Variants in NCBP2L observed in about 807,000 individuals in gnomAD.
The protein encoded by NCBP2L is nuclear cap-binding protein subunit 2-like.
For synonymous variants in NCBP2L, 39 were observed against 19.2 expected (o/e 2.04, Z -2.70); for missense variants, 95 against 53.1 (o/e 1.79, Z -2.45).
intron 1 of NCBP2L, among the ~76,000 whole-genome samples, chrX:107,782,298 T>A (rs866616263): frequency 3.2e-5 from 1 of 31,209 alleles, no homozygotes; most frequent in Non-Finnish European, 4.3e-5. Context: ...TATATATATA[T>A]AAATATATAT....
chrX:107,785,260 C>A (rs1930382672), intron 1 of NCBP2L, among the ~76,000 whole-genome samples: 1 of 111,368 alleles, frequency 9.0e-6, no homozygotes, highest in Non-Finnish European at 1.9e-5. Flanking sequence ...CTTTCCCCAA[C>A]TTTGTTGGGC....
rs1930508907 is a variant in NCBP2L, at chrX:107,795,506, T to C, written c.*824T>C. 1 of 112,183 alleles carries C rather than the reference T, an allele frequency of 8.9e-6. No homozygotes were observed. The highest frequency in any genetic ancestry group is 1.9e-5 in the Non-Finnish European group (1 of 53,272). 9.2% of individuals were successfully genotyped at this position (112,183 alleles called of 1,213,427 possible). ...GTAGAAACCATGCTTCAGGTACCCA[T>C]ACAACTATTTCGTTTTTGACTTTCA... On this transcript the variant is annotated 3_prime_UTR_variant, in exon 2 of 2. Transcript: ENST00000509000.
intron 1 of NCBP2L, among the ~76,000 whole-genome samples, chrX:107,782,352 AATATATATATATATAAAT>A (rs1391615386): frequency 2.7e-5 from 1 of 37,363 alleles, no homozygotes; most frequent in Non-Finnish European, 3.6e-5. Context: ...TATATATATA[AATATATATATATATAAAT>A]ATATATATAT....
intron 1 of NCBP2L, among the ~76,000 whole-genome samples, chrX:107,788,527 A>G (rs1173458744): frequency 2.7e-5 from 3 of 112,280 alleles, no homozygotes; most frequent in Non-Finnish European, 3.8e-5. Context: ...TTGACCCTTC[A>G]TTCATTCAAT....
intron 1 of NCBP2L, among the ~76,000 whole-genome samples, chrX:107,782,180 TAA>T (rs1184805569): frequency 1.0e-4 from 3 of 29,656 alleles, no homozygotes; most frequent in African/African-American, 3.8e-4. Flanking sequence ...TATATATATA[TAA>T]ATATATATAT....
At chrX:107,782,218 TATAAATATATATATATAA>T (rs1930309678) in intron 1 of NCBP2L, among the ~76,000 whole-genome samples, 1 of 25,336 alleles carries the variant, frequency 3.9e-5, no homozygotes, top group Non-Finnish European at 5.9e-5. Context: ...TAAATATATA[TATAAATATATATATATAA>T]ATATATATAT....
At chrX:107,789,174 CTTTTTTTTTT>C (rs760912732) in intron 1 of NCBP2L, among the ~76,000 whole-genome samples, 1,037 of 67,041 alleles carry the variant, frequency 0.015, 20 homozygotes, top group African/African-American at 0.061. Flanking sequence ...GTCCTAACCT[CTTTTTTTTTT>C]TTTTTTTTTT....
At chrX:107,780,391 A>G (rs781063000) in intron 1 of NCBP2L, among the ~76,000 whole-genome samples, 1 of 110,871 alleles carries the variant, frequency 9.0e-6, no homozygotes, top group South Asian at 3.9e-4. Flanking sequence ...TCTTTACTAT[A>G]TGCCAAGCAC....
In NCBP2L at chrX:107,794,497, GA is replaced by G; in HGVS notation, c.281del (p.Asn94MetfsTer6). 1 of 570,384 alleles carries G rather than the reference GA, an allele frequency of 1.8e-6. No homozygotes were observed. Among genetic ancestry groups the G allele is most frequent in the Non-Finnish European group, 3.2e-6 (1 of 309,544 alleles). 47.0% of individuals were successfully genotyped at this position (570,384 alleles called of 1,213,427 possible). On this transcript the variant is annotated frameshift_variant, in exon 2 of 2. Coordinates refer to ENST00000509000, the MANE Select transcript of NCBP2L (RefSeq NM_001348372.2). LOFTEE classifies it low-confidence loss of function (END_TRUNC). ...AGAATGCCATAACAGAGCTGATGCT[GA>G]AAATGCCATGCGGTTTCTAACTGGG... Reference protein sequence around the residue: ...FVECHNRADAENAMRFLTGTC... With the variant: ...FVECHNRADAXNAMRFLTGTC...
In NCBP2L at chrX:107,777,870, A is replaced by G. The variant is rs920645142; in HGVS notation, c.-73+12A>G. ...GACAGGATCCCAAGGTCAGAGGTGA[A>G]AGAGGTGCTGGGGGTCACTGACCAT... On this transcript the variant is annotated intron_variant, in intron 1 of 1. Coordinates refer to ENST00000509000, the MANE Select transcript of NCBP2L (RefSeq NM_001348372.2). 1.8e-5 allele frequency: 2 copies of G among 111,684 alleles called. No homozygotes were observed. Among genetic ancestry groups the G allele is most frequent in the African/African-American group, 6.5e-5 (2 of 30,663 alleles). 9.2% of individuals were successfully genotyped at this position (111,684 alleles called of 1,213,427 possible).
In NCBP2L at chrX:107,794,511, G is replaced by C; in HGVS notation, c.291G>C (p.Arg97=). 1 of 568,533 alleles carries C rather than the reference G, an allele frequency of 1.8e-6. No individual in the cohort carries two copies. Among genetic ancestry groups the C allele is most frequent in the Non-Finnish European group, 3.2e-6 (1 of 309,267 alleles). The allele number at this position is 568,533 out of a possible 1,213,427, so 46.9% of individuals were successfully genotyped here. A position where few individuals can be genotyped will look rare whatever the true frequency, so the allele number is the denominator to read the frequency against. Residue 97 remains arginine (R), a synonymous_variant, in exon 2 of 2, where the codon CGG becomes CGC. Coordinates refer to ENST00000509000, the MANE Select transcript of NCBP2L (RefSeq NM_001348372.2). ...HNRADAENAM[R]FLTGTCLDEW... ...GAGCTGATGCTGAAAATGCCATGCG[G>C]TTTCTAACTGGGACCTGCCTAGATG...
chrX:107,793,777 T>C (rs750934690), intron 1 of NCBP2L, among the ~76,000 whole-genome samples: 1 of 112,545 alleles, frequency 8.9e-6, no homozygotes, highest in Non-Finnish European at 1.9e-5. Flanking sequence ...ATGTGATTTA[T>C]CTGATGCTTA....
chrX:107,794,340 A>C lies in NCBP2L; in HGVS notation c.120A>C (p.Thr40=), dbSNP rs1472929239. 8.8e-6 allele frequency: 5 copies of C among 568,871 alleles called. No individual in the cohort carries two copies. In the Admixed American group the frequency reaches 8.9e-5, roughly 10 times the overall value. The allele number at this position is 568,871 out of a possible 1,213,427, so 46.9% of individuals were successfully genotyped here. The part of the protein sequence containing the change: ...QQEKLLKESS[T]LNMGNLSFYT... Reference sequence around the variant, plus strand: ...AAAAATTACTGAAGGAAAGCTCCACATTGAATATGGGGAATCTTTCCTTTT... The same window carrying C: ...AAAAATTACTGAAGGAAAGCTCCACCTTGAATATGGGGAATCTTTCCTTTT... Residue 40 remains threonine, a synonymous_variant, in exon 2 of 2, where the codon ACA becomes ACC. Transcript: ENST00000509000.
intron 1 of NCBP2L, among the ~76,000 whole-genome samples, chrX:107,793,943 C>T (rs1345225100): frequency 8.9e-6 from 1 of 112,274 alleles, no homozygotes; most frequent in Non-Finnish European, 1.9e-5. Context: ...GACAGCACAA[C>T]TTCCCTTTCA....
chrX:107,781,216 CTT>C (rs752190503), intron 1 of NCBP2L, among the ~76,000 whole-genome samples: 8 of 89,811 alleles, frequency 8.9e-5, no homozygotes, highest in African/African-American at 1.3e-4. Flanking sequence ...TGAAGGCCGG[CTT>C]TTTTTTTTTT....
intron 1 of NCBP2L, among the ~76,000 whole-genome samples, chrX:107,784,494 T>C (rs980305237): frequency 9.0e-6 from 1 of 110,536 alleles, no homozygotes; most frequent in Non-Finnish European, 1.9e-5. Context: ...ATATGTAATA[T>C]GAAATTACAT....
At chrX:107,783,202 GC>G (rs1930348024) in intron 1 of NCBP2L, among the ~76,000 whole-genome samples, 1 of 108,399 alleles carries the variant, frequency 9.2e-6, no homozygotes, top group East Asian at 2.9e-4. Flanking sequence ...GTCCTCGAGG[GC>G]CAGGCACAGT....
intron 1 of NCBP2L, among the ~76,000 whole-genome samples, chrX:107,790,753 A>C (rs922517431): frequency 8.9e-6 from 1 of 111,781 alleles, no homozygotes; most frequent in Non-Finnish European, 1.9e-5. Flanking sequence ...TGGGAAGAAG[A>C]CTTCCTTTTT....
At chrX:107,790,844 G>C (rs1930442697) in intron 1 of NCBP2L, among the ~76,000 whole-genome samples, 1 of 111,674 alleles carries the variant, frequency 9.0e-6, no homozygotes, top group Non-Finnish European at 1.9e-5. Context: ...TAAATTTTTT[G>C]TTAAAAAAGC....
Sources: allele counts gnomAD v4.1 joint callset (sites outside exome capture counted in the v4.1 genomes callset), GRCh38; gene constraint gnomAD v4.1.1; transcripts MANE v1.5; gene names NCBI Gene and HGNC (gene_info 2026-07-23, HGNC 2026-07-21).